KALRN: variants seen among roughly 807,000 people sequenced by gnomAD.
The protein encoded by KALRN is kalirin.
A neutral mutation model predicts 353.7 loss-of-function variants in KALRN; 70 were observed. That is an observed-to-expected ratio of 0.20 (90% CI 0.16 to 0.24). The LOEUF (loss-of-function observed/expected upper bound fraction) is 0.24. Among genes scored for constraint, KALRN ranks in the 10% least tolerant of loss-of-function variants. KALRN has a pLI of 1.00. For synonymous variants in KALRN, 1,391 were observed against 1,434.8 expected, an observed-to-expected ratio of 0.97 and a Z score of 0.69; for missense variants, 2,791 against 3,756.7, an observed-to-expected ratio of 0.74 and a Z score of 6.72.
At chr3:124,143,737 A>G (rs543108604) in intron 1 of KALRN, among the ~76,000 whole-genome samples, 1 of 152,364 alleles carries the variant, frequency 6.6e-6, no homozygotes, top group Admixed American at 6.5e-5. Context: ...ACAAAGGTAA[A>G]CCAAGTGAAA....
At chr3:124,112,437 G>C (rs1204504064) in intron 1 of KALRN, among the ~76,000 whole-genome samples, 1 of 152,090 alleles carries the variant, frequency 6.6e-6, no homozygotes, top group Non-Finnish European at 1.5e-5. Context: ...AGAAGGCGAG[G>C]TATGAAGGTA....
chr3:124,340,842 G>T lies in KALRN; in HGVS notation c.1648-6301G>T, dbSNP rs963193434. On this transcript the variant is annotated intron_variant, in intron 9 of 59. Transcript: ENST00000682506. ...ATGGTGATGCGTACCTATAATCCCA[G>T]CTACTCAGGAGGCTGAGGCAGGAGA... is the stretch of plus-strand genomic sequence containing the variant. 1.6e-4 allele frequency among the ~76,000 whole-genome samples: 24 copies of T among 152,234 alleles called. 1 individual carries two copies. Among genetic ancestry groups the T allele is most frequent in the African/African-American group, 5.8e-4 (24 of 41,532 alleles).
intron 6 of KALRN, among the ~76,000 whole-genome samples, chr3:124,313,268 A>G (rs2078463940): frequency 6.6e-6 from 1 of 152,068 alleles, no homozygotes; most frequent in African/African-American, 2.4e-5. Context: ...AGCCACTAAA[A>G]AGCAAACCCC....
chr3:124,126,852 C>A (rs1254990350), intron 1 of KALRN, among the ~76,000 whole-genome samples: 1 of 152,206 alleles, frequency 6.6e-6, no homozygotes, highest in African/African-American at 2.4e-5. Flanking sequence ...TGTAGCTTGT[C>A]CAAGAGTGCC....
At chr3:124,717,018 G>GGTTA (rs1185831743) in intron 58 of KALRN, among the ~76,000 whole-genome samples, 2 of 152,062 alleles carry the variant, frequency 1.3e-5, no homozygotes, top group Non-Finnish European at 2.9e-5. Flanking sequence ...TCTTAAACAA[G>GGTTA]GTTATACACA....
At chr3:124,569,616 G>A (rs76231536) in intron 34 of KALRN, among the ~76,000 whole-genome samples, 187 of 152,236 alleles carry the variant, frequency 1.2e-3, no homozygotes, top group African/African-American at 4.4e-3. Context: ...TTGAACCCAC[G>A]CCTGTCCATT....
chr3:124,704,324 G>C (rs930411397), intron 57 of KALRN, among the ~76,000 whole-genome samples: 4 of 152,126 alleles, frequency 2.6e-5, no homozygotes, highest in African/African-American at 7.2e-5. Flanking sequence ...ATTAGCCATA[G>C]GTTAAGTCAT....
Position 124,619,482 on chromosome 3 carries a change from C to CTTTTT in KALRN, c.5183-12920_5183-12916dup, listed in dbSNP as rs59009780. Among the ~76,000 whole-genome samples the CTTTTT allele has an allele frequency of 1.1e-3, 117 of 104,602 alleles. 4 individuals carry two copies. The highest frequency in any genetic ancestry group is 6.4e-3 in the Middle Eastern group (1 of 156). 68.6% of individuals were successfully genotyped at this position (104,602 alleles called of 152,430 possible). ...GTGATAATTCCTTTTTATTTTCCTT[C>CTTTTT]TTTTTTTTTTTTTTTTTTTTTTGAG... On this transcript the variant is annotated intron_variant, in intron 34 of 59. Transcript: ENST00000682506.
chr3:124,306,282 C>A (rs76996118), intron 6 of KALRN, among the ~76,000 whole-genome samples: 39,533 of 151,754 alleles, frequency 0.26, 6,813 homozygotes, highest in Non-Finnish European at 0.38. Flanking sequence ...CCATGTTGCT[C>A]AGGCTGAGAG....
intron 11 of KALRN, among the ~76,000 whole-genome samples, chr3:124,391,478 C>T (rs80127158): frequency 1.2e-3 from 179 of 152,276 alleles, no homozygotes; most frequent in South Asian, 1.9e-3. Context: ...CAGAAAAGAT[C>T]GTTCTGGCTG....
At chr3:124,080,053 G>A (rs576499242) in intron 1 of KALRN, 67 of 471,130 alleles carry the variant, frequency 1.4e-4, no homozygotes, top group Middle Eastern at 6.5e-4. Flanking sequence ...TGTTCCTGCT[G>A]CCAGAATTGG....
intron 1 of KALRN, among the ~76,000 whole-genome samples, chr3:124,182,745 T>C (rs977748123): frequency 6.6e-6 from 1 of 152,214 alleles, no homozygotes; most frequent in Non-Finnish European, 1.5e-5. Flanking sequence ...CAGACCCATC[T>C]GGCTTCATCT....
intron 49 of KALRN, chr3:124,677,455 C>T (rs1295535862): frequency 5.4e-6 from 2 of 369,780 alleles, no homozygotes; most frequent in South Asian, 2.1e-5. Context: ...ATTGAAAAGC[C>T]ATTGCTGCTC....
chr3:124,398,787 G>A lies in KALRN; in HGVS notation c.2262G>A (p.Val754=). Residue 754 remains valine (V), a synonymous_variant, in exon 13 of 60, where the codon GTG becomes GTA. Transcript: ENST00000682506. ...TGCAGCAGCTTGATGATGCCCAGGT[G>A]CAGATGGAGGAGCTGTTCCACGAGC... is the stretch of plus-strand genomic sequence containing the variant. ...SVLQQLDDAQ[V]QMEELFHERK... 6.2e-7 allele frequency: 1 copy of A among 1,614,212 alleles called. No homozygotes were observed. The highest frequency in any genetic ancestry group is 8.5e-7 in the Non-Finnish European group (1 of 1,180,042).
intron 5 of KALRN, among the ~76,000 whole-genome samples, chr3:124,275,601 G>A (rs922869334): frequency 1.3e-5 from 2 of 152,224 alleles, no homozygotes; most frequent in African/African-American, 2.4e-5. Context: ...GCCTGGCCCA[G>A]CATAGCTATT....
chr3:124,557,909 G>T (rs549290548), intron 33 of KALRN, among the ~76,000 whole-genome samples: 1 of 152,250 alleles, frequency 6.6e-6, no homozygotes, highest in African/African-American at 2.4e-5. Context: ...TGGGGTAAGG[G>T]GGCTTCTTCA....
intron 1 of KALRN, among the ~76,000 whole-genome samples, chr3:124,134,445 C>G (rs1204480671): frequency 1.3e-5 from 2 of 152,102 alleles, no homozygotes; most frequent in African/African-American, 4.8e-5. Flanking sequence ...TTTGAAAAAC[C>G]CTTCTAGACA....
intron 1 of KALRN, among the ~76,000 whole-genome samples, chr3:124,071,270 TTGAC>T (rs1188843199): frequency 1.3e-5 from 2 of 152,228 alleles, no homozygotes; most frequent in Non-Finnish European, 2.9e-5. Context: ...TGGAAATTCA[TTGAC>T]TGAGCACTTT....
At chr3:124,317,623 G>A (rs35549137) in intron 6 of KALRN, among the ~76,000 whole-genome samples, 2 of 146,370 alleles carry the variant, frequency 1.4e-5, no homozygotes, top group African/African-American at 5.0e-5. Flanking sequence ...TTCTGATTCA[G>A]AAAGTTGGGG....
Sources: allele counts gnomAD v4.1 joint callset (sites outside exome capture counted in the v4.1 genomes callset), GRCh38; gene constraint gnomAD v4.1.1; transcripts MANE v1.5; gene names NCBI Gene and HGNC (gene_info 2026-07-23, HGNC 2026-07-21).